Variants in NRG3 observed in about 807,000 individuals in gnomAD.
The protein encoded by NRG3 is neuregulin 3.
A neutral mutation model predicts 66.9 loss-of-function variants in NRG3; 31 were observed. That is an observed-to-expected ratio of 0.46 (90% CI 0.35 to 0.63). The LOEUF (loss-of-function observed/expected upper bound fraction) is 0.63. Ranked by LOEUF, NRG3 falls within the 20% of genes least tolerant of loss-of-function variation. NRG3 has a pLI of 0.00. For synonymous variants in NRG3, 393 were observed against 359.4 expected, an observed-to-expected ratio of 1.09 and a Z score of -1.06; for missense variants, 910 against 878.9, an observed-to-expected ratio of 1.04 and a Z score of -0.45.
At chr10:82,738,897 C>T (rs889015741) in intron 3 of NRG3, among the ~76,000 whole-genome samples, 4 of 152,176 alleles carry the variant, frequency 2.6e-5, no homozygotes, top group Admixed American at 6.5e-5. Flanking sequence ...CCCAACAACC[C>T]GGGCCTCCTT....
intron 1 of NRG3, among the ~76,000 whole-genome samples, chr10:82,011,178 G>A (rs780546790): frequency 3.3e-5 from 5 of 152,106 alleles, no homozygotes; most frequent in African/African-American, 4.8e-5. Flanking sequence ...TAGCTGGGGA[G>A]GCCTCACAAT....
At chr10:82,530,743 T>C (rs564972708) in intron 2 of NRG3, among the ~76,000 whole-genome samples, 2 of 152,048 alleles carry the variant, frequency 1.3e-5, no homozygotes, top group African/African-American at 4.8e-5. Flanking sequence ...CAACATTGAA[T>C]TTTAGAATTC....
chr10:82,496,807 A>T (rs1843673428), intron 2 of NRG3, among the ~76,000 whole-genome samples: 1 of 152,176 alleles, frequency 6.6e-6, no homozygotes, highest in Non-Finnish European at 1.5e-5. Context: ...TTTATTTTAG[A>T]TTACATTCTT....
At chr10:81,920,775 T>C (rs17098755) in intron 1 of NRG3, among the ~76,000 whole-genome samples, 6,674 of 152,278 alleles carry the variant, frequency 0.044, 188 homozygotes, top group African/African-American at 0.074. Context: ...ATTCATCTTA[T>C]TCACTTAATG....
At position 82,985,605 on chromosome 10, in the gene NRG3, A is replaced by G; in HGVS notation, c.2091A>G (p.Ter697TrpextTer4). The change falls in exon 9 of 9, where the codon TGA (stop) becomes TGG (tryptophan). Residue 697 changes from the stop codon to tryptophan, a stop_lost. Transcript: ENST00000372141. ...AAAGAGACTCTGCATTGACCAAGTG[A>G]CTTGAGATGTAGGAATCTGTGCATT... ...EIQRDSALTK* is the reference protein window; with the variant it reads ...EIQRDSALTKW 1 of 1,608,178 alleles carries G rather than the reference A, an allele frequency of 6.2e-7. No individual in the cohort carries two copies. The highest frequency in any genetic ancestry group is 8.5e-7 in the Non-Finnish European group (1 of 1,178,996).
chr10:82,719,686 G>GTCTCCCTT (rs2057181886), intron 2 of NRG3, among the ~76,000 whole-genome samples: 1 of 152,118 alleles, frequency 6.6e-6, no homozygotes, highest in Non-Finnish European at 1.5e-5. Context: ...TGACTCAGAC[G>GTCTCCCTT]TCTCCCTTTC....
chr10:82,635,164 T>C (rs572315405), intron 2 of NRG3, among the ~76,000 whole-genome samples: 1 of 152,274 alleles, frequency 6.6e-6, no homozygotes, highest in East Asian at 1.9e-4. Flanking sequence ...ATACAGTGCA[T>C]CAAACCTAAA....
At chr10:82,140,749 G>A (rs899934586) in intron 1 of NRG3, among the ~76,000 whole-genome samples, 1 of 151,968 alleles carries the variant, frequency 6.6e-6, no homozygotes, top group African/African-American at 2.4e-5. Flanking sequence ...AAAATAAAAA[G>A]TAAAAGAAAA....
chr10:81,950,204 T>A (rs746103873), intron 1 of NRG3, among the ~76,000 whole-genome samples: 4 of 152,160 alleles, frequency 2.6e-5, no homozygotes, highest in Non-Finnish European at 5.9e-5. Context: ...ACTCCCATCT[T>A]CACCACACCA....
At chr10:82,271,899 A>G (rs947466904) in intron 1 of NRG3, among the ~76,000 whole-genome samples, 1 of 152,016 alleles carries the variant, frequency 6.6e-6, no homozygotes, top group African/African-American at 2.4e-5. Flanking sequence ...GTTCATAAAT[A>G]TTGTAATTTA....
intron 7 of NRG3, among the ~76,000 whole-genome samples, chr10:82,976,819 A>G (rs1392485055): frequency 6.6e-6 from 1 of 151,950 alleles, no homozygotes; most frequent in East Asian, 1.9e-4. Context: ...TTCTGGGGCC[A>G]TGGAGCCTGC....
chr10:82,087,401 T>A (rs1365706832), intron 1 of NRG3, among the ~76,000 whole-genome samples: 1 of 152,074 alleles, frequency 6.6e-6, no homozygotes, highest in Non-Finnish European at 1.5e-5. Flanking sequence ...TTCTCTAATC[T>A]CTGAACTAAC....
intron 2 of NRG3, among the ~76,000 whole-genome samples, chr10:82,392,695 A>G (rs1049341463): frequency 1.4e-4 from 22 of 152,258 alleles, no homozygotes; most frequent in Admixed American, 9.8e-4. Context: ...AAAGCACTAA[A>G]TCACTTTATA....
At chr10:82,119,379 C>CAA (rs1306383089) in intron 1 of NRG3, among the ~76,000 whole-genome samples, 1 of 151,920 alleles carries the variant, frequency 6.6e-6, no homozygotes, top group Non-Finnish European at 1.5e-5. Context: ...ACTGATTTCA[C>CAA]AAAAAAAGTT....
chr10:82,736,501 G>A (rs1366297464), intron 2 of NRG3, among the ~76,000 whole-genome samples: 1 of 152,158 alleles, frequency 6.6e-6, no homozygotes, highest in African/African-American at 2.4e-5. Flanking sequence ...ACAGCCCCTG[G>A]GGGGCTTCCT....
At chr10:82,474,280 C>A (rs1841554801) in intron 2 of NRG3, among the ~76,000 whole-genome samples, 1 of 151,648 alleles carries the variant, frequency 6.6e-6, no homozygotes, top group Non-Finnish European at 1.5e-5. Flanking sequence ...GAAATATAGG[C>A]ACTGAGCTTA....
chr10:82,214,700 C>G (rs534208871), intron 1 of NRG3, among the ~76,000 whole-genome samples: 1 of 152,072 alleles, frequency 6.6e-6, no homozygotes, highest in African/African-American at 2.4e-5. Flanking sequence ...GAACTCCTGG[C>G]CACAAGTGAT....
At chr10:82,701,015 A>G (rs943704599) in intron 2 of NRG3, among the ~76,000 whole-genome samples, 1 of 152,104 alleles carries the variant, frequency 6.6e-6, no homozygotes, top group African/African-American at 2.4e-5. Flanking sequence ...AAACTCACAT[A>G]TAAGAGGACA....
chr10:82,977,617 A>AG (rs397971417), intron 7 of NRG3, among the ~76,000 whole-genome samples: 1 of 150,948 alleles, frequency 6.6e-6, no homozygotes, highest in African/African-American at 2.4e-5. Context: ...AAAAAAAAAA[A>AG]GGAATGAAAG....
Sources: allele counts gnomAD v4.1 joint callset (sites outside exome capture counted in the v4.1 genomes callset), GRCh38; gene constraint gnomAD v4.1.1; transcripts MANE v1.5; gene names NCBI Gene and HGNC (gene_info 2026-07-23, HGNC 2026-07-21).